TCF7: variants seen among roughly 807,000 people sequenced by gnomAD.
TCF7 encodes the protein transcription factor 7, also known as T-cell-factor-7.
A neutral mutation model predicts 46.8 loss-of-function variants in TCF7; 19 were observed. The observed-to-expected ratio is 0.41, with a 90% CI of 0.28 to 0.60. TCF7 has a LOEUF of 0.60. Ranked by LOEUF, TCF7 falls within the 20% of genes least tolerant of loss-of-function variation. The pLI is 0.35. For synonymous variants in TCF7, 245 were observed against 213.4 expected (o/e 1.15, Z -1.29); for missense variants, 547 against 504.6 (o/e 1.08, Z -0.81).
At chr5:134,113,220 T>G (rs569772573), upstream of TCF7, among the ~76,000 whole-genome samples, 34 of 152,182 alleles carry the variant, frequency 2.2e-4, no homozygotes, top group African/African-American at 7.9e-4. Context: ...CCCCCTCATC[T>G]CCATCACCAA....
chr5:134,123,084 G>A (rs182074199), intron 3 of TCF7, among the ~76,000 whole-genome samples: 4 of 152,378 alleles, frequency 2.6e-5, no homozygotes, highest in Admixed American at 1.3e-4. Flanking sequence ...GGAATGGAAA[G>A]AGACAGTGTG....
At chr5:134,122,276 G>A (rs1419318162) in intron 3 of TCF7, among the ~76,000 whole-genome samples, 2 of 152,148 alleles carry the variant, frequency 1.3e-5, no homozygotes, top group Non-Finnish European at 2.9e-5. Flanking sequence ...CCTCTGGAAA[G>A]TCGGGGTGAG....
In TCF7 at chr5:134,115,527, G is replaced by C. The variant is rs529482770; in HGVS notation, c.316+140G>C. 143 of 1,445,628 alleles carry C rather than the reference G, an allele frequency of 9.9e-5. 1 individual carries two copies. The African/African-American group carries it at 1.5e-3, about 15-fold the overall frequency. The allele number at this position is 1,445,628 out of a possible 1,614,324, so 89.6% of individuals were successfully genotyped here. On this transcript the variant is annotated intron_variant, in intron 2 of 9. Coordinates refer to ENST00000342854, the MANE Select transcript of TCF7 (RefSeq NM_003202.5). ...GCGGCAGAACCCAGGGGTGGAGAGT[G>C]GGGGGCGGGCTTCCCGGGCGCCGCC...
chr5:134,116,431 C>T (rs1287454749), intron 3 of TCF7, among the ~76,000 whole-genome samples: 1 of 152,252 alleles, frequency 6.6e-6, no homozygotes, highest in African/African-American at 2.4e-5. Context: ...CCCTGAGCCT[C>T]CTTGGCGCTT....
rs770920272 is a variant in TCF7, at chr5:134,138,155, C to T, written c.538C>T (p.Gln180Ter). The change falls in exon 4 of 10, where the codon CAG becomes TAG. Residue 180 changes from glutamine to a stop codon, truncating the protein, a stop_gained. Coordinates refer to ENST00000342854, the MANE Select transcript of TCF7 (RefSeq NM_003202.5). LOFTEE classifies it high-confidence loss of function. ...HPTPAPADIS[Q>*]KQVHRPLQTP... is the part of the protein sequence containing the mutation. ...CACCCCTGCACCTGCGGACATCAGCCAGAAGCAAGGTACAAGCCTGGGATG... is the reference window on the plus strand; with the variant it reads ...CACCCCTGCACCTGCGGACATCAGCTAGAAGCAAGGTACAAGCCTGGGATG... 1 of 1,613,450 alleles carries T rather than the reference C, an allele frequency of 6.2e-7. No individual in the cohort carries two copies. Among genetic ancestry groups the T allele is most frequent in the Non-Finnish European group, 8.5e-7 (1 of 1,179,742 alleles).
rs756780122 is a variant in TCF7 at position 134,138,133 on chromosome 5, C to T, written c.516C>T (p.Thr172=). ...AACATTTCAACAGCCCACATCCCAC[C>T]CCTGCACCTGCGGACATCAGCCAGA... is the stretch of plus-strand genomic sequence containing the variant. ...LYEHFNSPHP[T]PAPADISQKQ... is the part of the protein sequence containing the mutation. The change falls in exon 4 of 10, where the codon ACC becomes ACT. Residue 172 remains threonine, a synonymous_variant. Coordinates refer to ENST00000342854, the MANE Select transcript of TCF7 (RefSeq NM_003202.5). The T allele has an allele frequency of 8.7e-6, 14 of 1,613,710 alleles. No individual in the cohort carries two copies. Among genetic ancestry groups the T allele is most frequent in the South Asian group, 5.5e-5 (5 of 91,036 alleles).
chr5:134,140,452 A>C (rs1244887104), intron 5 of TCF7: 1 of 205,064 alleles, frequency 4.9e-6, no homozygotes, highest in African/African-American at 2.4e-5. Flanking sequence ...CAGGAATTGA[A>C]GCAGGCAAAG....
upstream of TCF7, among the ~76,000 whole-genome samples, chr5:134,113,718 G>A (rs1452550623): frequency 1.3e-5 from 2 of 152,242 alleles, no homozygotes; most frequent in Admixed American, 6.5e-5. Context: ...GCAGACCCGG[G>A]TGCCATACAG....
chr5:134,114,981 C>T lies in TCF7; in HGVS notation c.75C>T (p.Ala25=). ...TCGGCGCGCCGGACGAGCTGCTGGCCTTCCAGGATGAAGGCGAGGAGCAGG... is the reference window on the plus strand; with the variant it reads ...TCGGCGCGCCGGACGAGCTGCTGGCTTTCCAGGATGAAGGCGAGGAGCAGG... ...DDLGAPDELL[A]FQDEGEEQDD... Residue 25 remains alanine, a synonymous_variant, in exon 1 of 10, where the codon GCC becomes GCT. Coordinates refer to ENST00000342854, the MANE Select transcript of TCF7 (RefSeq NM_003202.5). 8.2e-7 allele frequency: 1 copy of T among 1,214,912 alleles called. No homozygotes were observed. Among genetic ancestry groups the T allele is most frequent in the Non-Finnish European group, 1.1e-6 (1 of 951,836 alleles). The allele number at this position is 1,214,912 out of a possible 1,614,324, so 75.3% of individuals were successfully genotyped here. A position where few individuals can be genotyped will look rare whatever the true frequency, so the allele number is the denominator to read the frequency against.
chr5:134,110,022 C>T (rs1028307930), upstream of TCF7, among the ~76,000 whole-genome samples: 2 of 152,186 alleles, frequency 1.3e-5, no homozygotes, highest in African/African-American at 4.8e-5. Context: ...TAGACTCCTT[C>T]CTGGGGAAAT....
At chr5:134,115,613 G>T in intron 2 of TCF7, 1 of 1,429,680 alleles carries the variant, frequency 7.0e-7, no homozygotes, top group Non-Finnish European at 9.1e-7. Context: ...CGCCATCCCC[G>T]CCTCCCCTCC....
intron 3 of TCF7, among the ~76,000 whole-genome samples, chr5:134,137,425 CAAAA>C (rs752883165): frequency 2.7e-4 from 15 of 56,568 alleles, no homozygotes; most frequent in African/African-American, 8.4e-4. Flanking sequence ...GACTCTGTCT[CAAAA>C]AAAAAAAAAA....
intron 3 of TCF7, among the ~76,000 whole-genome samples, chr5:134,133,917 T>C (rs529839282): frequency 4.6e-5 from 7 of 152,328 alleles, no homozygotes; most frequent in Non-Finnish European, 8.8e-5. Flanking sequence ...AGCTGTAGAC[T>C]GGGCTGGATT....
In TCF7 at chr5:134,131,399, T is replaced by C. The variant is rs185731652; in HGVS notation, c.442-6660T>C. Among the ~76,000 whole-genome samples, 176 of 152,338 alleles carry C rather than the reference T, an allele frequency of 1.2e-3. 1 individual carries two copies. Among genetic ancestry groups the C allele is most frequent in the Non-Finnish European group, 1.7e-3 (113 of 68,028 alleles). On this transcript the variant is annotated intron_variant, in intron 3 of 9. Transcript: ENST00000342854. ...TCTGTGTGCTTGGCAAACAGAACAG[T>C]AACCATAGCAATAGCCCACCTTTCT...
chr5:134,137,845 G>T, intron 3 of TCF7: 1 of 417,282 alleles, frequency 2.4e-6, no homozygotes. Context: ...GAAAGACCAA[G>T]AGGCTTTCTA....
rs755343167 is a variant in TCF7, at chr5:134,138,140, C to A, written c.523C>A (p.Pro175Thr). 3 of 1,613,638 alleles carry A rather than the reference C, an allele frequency of 1.9e-6. No individual in the cohort carries two copies. The African/African-American group carries it at 4.0e-5, about 22-fold the overall frequency. The change falls in exon 4 of 10, where the codon CCT becomes ACT. Residue 175 changes from proline to threonine, a missense_variant. By Grantham distance (38) the Pro-to-Thr change is conservative (BLOSUM62 -1). This residue lies in a region of TCF7 where 425 missense variants were observed against 349.9 expected (regional missense o/e 1.21). Coordinates refer to ENST00000342854, the MANE Select transcript of TCF7 (RefSeq NM_003202.5). ...CAACAGCCCACATCCCACCCCTGCA[C>A]CTGCGGACATCAGCCAGAAGCAAGG... is the stretch of plus-strand genomic sequence containing the variant. ...HFNSPHPTPA[P>T]ADISQKQVHR... is the part of the protein sequence containing the mutation.
At position 134,142,855 on chromosome 5, in the gene TCF7, C is replaced by T. The variant is rs1161732372; in HGVS notation, c.890C>T (p.Ala297Val). The part of the protein sequence containing the change: ...VIAECTLKES[A>V]AINQILGRRW... ...GCAGAGTGCACACTTAAGGAGAGCG[C>T]TGCCATCAACCAGATCCTGGGCCGC... is the stretch of plus-strand genomic sequence containing the variant. Residue 297 changes from alanine (A) to valine (V), a missense_variant, in exon 7 of 10, where the codon GCT (alanine) becomes GTT (valine). Coordinates refer to ENST00000342854, the MANE Select transcript of TCF7 (RefSeq NM_003202.5). 1.9e-6 allele frequency: 3 copies of T among 1,614,124 alleles called. No individual in the cohort carries two copies. Among genetic ancestry groups the T allele is most frequent in the Non-Finnish European group, 2.5e-6 (3 of 1,179,948 alleles).
chr5:134,142,593 GA>G, intron 6 of TCF7, 127 bp from the exon 7 acceptor site: 1 of 1,286,030 alleles, frequency 7.8e-7, no homozygotes, highest in Non-Finnish European at 1.1e-6. Flanking sequence ...GGGCAGCTAG[GA>G]AAGATTCCAC....
chr5:134,114,721 C>T lies in TCF7; in HGVS notation c.-186C>T. 2 of 445,564 alleles carry T rather than the reference C, an allele frequency of 4.5e-6. No homozygotes were observed. The highest frequency in any genetic ancestry group is 5.9e-6 in the Non-Finnish European group (2 of 337,882). 27.6% of individuals were successfully genotyped at this position (445,564 alleles called of 1,614,324 possible). A position where few individuals can be genotyped will look rare whatever the true frequency, so the allele number is the denominator to read the frequency against. On this transcript the variant is annotated 5_prime_UTR_variant, in exon 1 of 10. Coordinates refer to ENST00000342854, the MANE Select transcript of TCF7 (RefSeq NM_003202.5). ...CCTTTGATGTTCCGACCCGCCAGCT[C>T]GCGGAGCCGCTCTGCCCCGCGCCCT...
Sources: allele counts gnomAD v4.1 joint callset (sites outside exome capture counted in the v4.1 genomes callset), GRCh38; gene constraint gnomAD v4.1.1; regional missense constraint gnomAD v4.1.1; transcripts MANE v1.5; gene names NCBI Gene and HGNC (gene_info 2026-07-23, HGNC 2026-07-21).